Variants in THSD7A observed in about 807,000 individuals in gnomAD.
THSD7A encodes thrombospondin type 1 domain containing 7A, also known as thrombospondin type-1 domain-containing protein 7A.
Under a neutral mutation model 231.3 loss-of-function variants are expected in THSD7A, and 96 were observed. That is an observed-to-expected ratio of 0.41 (90% confidence interval 0.35 to 0.49). The LOEUF is 0.49. THSD7A is among the 20% of genes least tolerant of loss of function. THSD7A has a pLI of 0.05. For synonymous variants in THSD7A, 940 were observed against 743.3 expected, an observed-to-expected ratio of 1.26 and a Z score of -4.30; for missense variants, 2,290 against 2,070.2, an observed-to-expected ratio of 1.11 and a Z score of -2.06.
intron 1 of THSD7A, among the ~76,000 whole-genome samples, chr7:11,748,126 G>T (rs1003656561): frequency 1.3e-5 from 2 of 151,890 alleles, no homozygotes; most frequent in Non-Finnish European, 1.5e-5. Context: ...AGACAAAGAG[G>T]CCAGATACAA....
At chr7:11,416,121 A>T (rs1313013075) in intron 17 of THSD7A, among the ~76,000 whole-genome samples, 1 of 152,184 alleles carries the variant, frequency 6.6e-6, no homozygotes, top group African/African-American at 2.4e-5. Context: ...TTTTATTCCT[A>T]TCCAAACATT....
At chr7:11,385,392 C>G (rs1439998693) in intron 23 of THSD7A, 2 of 151,998 alleles carry the variant, frequency 1.3e-5, no homozygotes. Context: ...AATGTTTCCC[C>G]ATGTATTATG....
chr7:11,651,502 TC>T (rs1782505936), intron 1 of THSD7A, among the ~76,000 whole-genome samples: 1 of 149,256 alleles, frequency 6.7e-6, no homozygotes, highest in Non-Finnish European at 1.5e-5. Context: ...TATCTATCTA[TC>T]TATCTATCTA....
rs1782081417 is a variant in THSD7A, at chr7:11,372,205, A to G, written c.*3589T>C. 2 of 152,124 alleles carry G rather than the reference A, an allele frequency of 1.3e-5. No individual in the cohort carries two copies. Among genetic ancestry groups the G allele is most frequent in the African/African-American group, 2.4e-5 (1 of 41,418 alleles). The allele number at this position is 152,124 out of a possible 1,614,324, so 9.4% of individuals were successfully genotyped here. ...TAAAGACATGTACATTACGTAGGGG[A>G]AAATACTAACCCCATCTAAAAACAA... On this transcript the variant is annotated 3_prime_UTR_variant, in exon 28 of 28. Coordinates refer to ENST00000423059, the MANE Select transcript of THSD7A (RefSeq NM_015204.3).
At chr7:11,792,542 A>T (rs138096489) in intron 1 of THSD7A, among the ~76,000 whole-genome samples, 215 of 151,950 alleles carry the variant, frequency 1.4e-3, no homozygotes, top group Non-Finnish European at 2.5e-3. Flanking sequence ...ACGCAAATAC[A>T]AATTCCAGGA....
rs1464848239 is a variant in THSD7A, at chr7:11,371,169, C to G, written c.*4625G>C. The G allele has an allele frequency of 1.3e-5, 2 of 152,162 alleles. No homozygotes were observed. The highest frequency in any genetic ancestry group is 4.8e-5 in the African/African-American group (2 of 41,432). 9.4% of individuals were successfully genotyped at this position (152,162 alleles called of 1,614,324 possible). A position where few individuals can be genotyped will look rare whatever the true frequency, so the allele number is the denominator to read the frequency against. ...TTAACTGTTTAGCATTAGTTTCATT[C>G]ATTTAATAATGTAGACATAACCATT... On this transcript the variant is annotated 3_prime_UTR_variant, in exon 28 of 28. Coordinates refer to ENST00000423059, the MANE Select transcript of THSD7A (RefSeq NM_015204.3).
chr7:11,687,061 A>AT lies in THSD7A; in HGVS notation c.191-50101dup, dbSNP rs764745516. 1.8e-3 allele frequency among the ~76,000 whole-genome samples: 267 copies of AT among 151,960 alleles called. 1 individual carries two copies. The highest frequency in any genetic ancestry group is 2.5e-3 in the Non-Finnish European group (172 of 67,866). On this transcript the variant is annotated intron_variant, in intron 1 of 27. Transcript: ENST00000423059. ...AAGAAATTTTGATATTTTATTCATA[A>AT]TTTTTTACATTAATTTTGATTTCTA... is the stretch of plus-strand genomic sequence containing the variant.
chr7:11,689,896 C>T (rs1780181877), intron 1 of THSD7A, among the ~76,000 whole-genome samples: 1 of 150,170 alleles, frequency 6.7e-6, no homozygotes, highest in South Asian at 2.1e-4. Context: ...TATCTGCCCA[C>T]ATTAAATTCA....
At chr7:11,455,593 T>C (rs1785282680) in intron 11 of THSD7A, among the ~76,000 whole-genome samples, 1 of 152,068 alleles carries the variant, frequency 6.6e-6, no homozygotes, top group Non-Finnish European at 1.5e-5. Context: ...TTCAGGAATA[T>C]ATAAATTTTC....
At chr7:11,684,928 A>C (rs977551708) in intron 1 of THSD7A, among the ~76,000 whole-genome samples, 16 of 151,998 alleles carry the variant, frequency 1.1e-4, no homozygotes, top group African/African-American at 3.6e-4. Context: ...AATCCTAAAG[A>C]AAATGAACAA....
chr7:11,759,263 G>C (rs1484645341), intron 1 of THSD7A, among the ~76,000 whole-genome samples: 2 of 152,078 alleles, frequency 1.3e-5, no homozygotes, highest in East Asian at 3.9e-4. Flanking sequence ...AATATGTAGT[G>C]AAAGTATGCT....
chr7:11,800,537 G>A (rs1554279770), intron 1 of THSD7A, among the ~76,000 whole-genome samples: 2 of 152,036 alleles, frequency 1.3e-5, no homozygotes, highest in African/African-American at 4.8e-5. Context: ...CAACAAGAAC[G>A]AAACCCCATC....
intron 2 of THSD7A, among the ~76,000 whole-genome samples, chr7:11,594,419 G>C (rs1165884013): frequency 6.6e-6 from 1 of 152,156 alleles, no homozygotes; most frequent in Non-Finnish European, 1.5e-5. Context: ...GATTTCTGGA[G>C]TTGGCTGCTT....
chr7:11,449,467 C>T (rs79774486), intron 11 of THSD7A, among the ~76,000 whole-genome samples: 5,771 of 152,080 alleles, frequency 0.038, 336 homozygotes, highest in African/African-American at 0.13. Flanking sequence ...TTCTGGCAAA[C>T]ACATATGGCT....
Position 11,411,237 on chromosome 7 carries a change from G to T in THSD7A, c.3768C>A (p.Gly1256=). Residue 1256 remains glycine, a synonymous_variant, in exon 19 of 28, where the codon GGC becomes GGA. Coordinates refer to ENST00000423059, the MANE Select transcript of THSD7A (RefSeq NM_015204.3). This position sits in a 1 kb window ranked among gnomAD's most constrained non-coding sequence, Gnocchi z 4.1. ...TRMLDCVRSD[G]KSVDLKYCEA... ...CACAATATTTCAGGTCAACTGACTTGCCATCACTTCGAACACAATCCAACA... is the reference window on the plus strand; with the variant it reads ...CACAATATTTCAGGTCAACTGACTTTCCATCACTTCGAACACAATCCAACA... 6.2e-7 allele frequency: 1 copy of T among 1,613,696 alleles called. No homozygotes were observed. Among genetic ancestry groups the T allele is most frequent in the Non-Finnish European group, 8.5e-7 (1 of 1,179,734 alleles).
At chr7:11,723,027 C>T (rs1263138623) in intron 1 of THSD7A, among the ~76,000 whole-genome samples, 10 of 151,884 alleles carry the variant, frequency 6.6e-5, no homozygotes, top group African/African-American at 2.4e-5. Context: ...CACATGCACA[C>T]GTATGTTTAT....
intron 1 of THSD7A, among the ~76,000 whole-genome samples, chr7:11,673,486 C>A (rs960278179): frequency 1.3e-5 from 2 of 152,156 alleles, no homozygotes; most frequent in African/African-American, 4.8e-5. Flanking sequence ...ATTGCAGGGA[C>A]TGGACATGTT....
In THSD7A at chr7:11,528,002, A is replaced by T. The variant is rs552259491; in HGVS notation, c.1822+13417T>A. Among the ~76,000 whole-genome samples, 13 of 152,174 alleles carry T rather than the reference A, an allele frequency of 8.5e-5. 1 individual carries two copies. In the South Asian group the frequency reaches 2.7e-3, roughly 32 times the overall value. On this transcript the variant is annotated intron_variant, in intron 6 of 27. Coordinates refer to ENST00000423059, the MANE Select transcript of THSD7A (RefSeq NM_015204.3). ...ACTTTGTCCCTACAAAAAAATAAAA[A>T]CTTAAATTAAAACAACTAGCTGGGC...
At chr7:11,568,753 G>A (rs779907157) in intron 4 of THSD7A, among the ~76,000 whole-genome samples, 3 of 149,754 alleles carry the variant, frequency 2.0e-5, no homozygotes, top group African/African-American at 7.4e-5. Context: ...AAAAATAAAA[G>A]GTATCCGTAT....
Sources: gnomAD v4.1 joint callset for allele counts (sites outside exome capture counted in the v4.1 genomes callset) on GRCh38, gnomAD v4.1.1 for gene constraint, Gnocchi (gnomAD v3.1) non-coding constraint, MANE v1.5 for transcripts, NCBI Gene and HGNC (gene_info 2026-07-23, HGNC 2026-07-21) for gene names.